OR9Q1: variants seen among roughly 807,000 people sequenced by gnomAD.
The protein encoded by OR9Q1 is olfactory receptor family 9 subfamily Q member 1.
For synonymous variants in OR9Q1, 153 were observed against 148.6 expected (o/e 1.03, Z -0.22); for missense variants, 374 against 378.8 (o/e 0.99, Z 0.11).
intron 2 of OR9Q1, among the ~76,000 whole-genome samples, chr11:58,093,759 C>CAAAAAA (rs71061572): frequency 1.4e-4 from 5 of 35,520 alleles, no homozygotes; most frequent in African/African-American, 3.9e-4. Context: ...GACTTCATCT[C>CAAAAAA]AAAAAAAAAA....
chr11:58,084,615 TG>T (rs1853617859), intron 2 of OR9Q1, among the ~76,000 whole-genome samples: 1 of 151,962 alleles, frequency 6.6e-6, no homozygotes, highest in African/African-American at 2.4e-5. Flanking sequence ...GCTTTATTCC[TG>T]GGTTGCAAGG....
At chr11:58,094,023 A>G (rs1246997364) in intron 2 of OR9Q1, among the ~76,000 whole-genome samples, 1 of 152,170 alleles carries the variant, frequency 6.6e-6, no homozygotes. Context: ...ATTCACAAAA[A>G]CAAAGCTATG....
chr11:58,027,961 CG>C (rs199951184), intron 1 of OR9Q1, among the ~76,000 whole-genome samples: 1 of 149,908 alleles, frequency 6.7e-6, no homozygotes, highest in East Asian at 2.0e-4. Flanking sequence ...GGGTGGATGT[CG>C]GGGGGGCATC....
chr11:58,075,730 A>G (rs374393419), intron 2 of OR9Q1, among the ~76,000 whole-genome samples: 30 of 152,306 alleles, frequency 2.0e-4, no homozygotes, highest in African/African-American at 7.2e-4. Flanking sequence ...TCTGTTGTTT[A>G]AAAGCCACCC....
chr11:58,124,071 G>A (rs930467237), intron 2 of OR9Q1, among the ~76,000 whole-genome samples: 8 of 152,178 alleles, frequency 5.3e-5, no homozygotes, highest in South Asian at 2.1e-4. Flanking sequence ...TTTCAGACAG[G>A]CAATTTCCAA....
At chr11:58,161,878 T>A (rs1362227754) in intron 2 of OR9Q1, among the ~76,000 whole-genome samples, 1 of 152,214 alleles carries the variant, frequency 6.6e-6, no homozygotes, top group Non-Finnish European at 1.5e-5. Flanking sequence ...CAAACTGTTA[T>A]ATCCAATTAA....
At chr11:58,039,194 G>A (rs1833239826) in intron 1 of OR9Q1, among the ~76,000 whole-genome samples, 1 of 152,020 alleles carries the variant, frequency 6.6e-6, no homozygotes, top group African/African-American at 2.4e-5. Flanking sequence ...TTCACCATTT[G>A]GCCAGGCTGC....
intron 2 of OR9Q1, among the ~76,000 whole-genome samples, chr11:58,123,797 T>C (rs1854060730): frequency 6.6e-6 from 1 of 152,174 alleles, no homozygotes; most frequent in Non-Finnish European, 1.5e-5. Flanking sequence ...AAAGCGCCTC[T>C]CTAAAACCAT....
intron 2 of OR9Q1, among the ~76,000 whole-genome samples, chr11:58,070,409 T>C (rs890847996): frequency 6.6e-6 from 1 of 152,066 alleles, no homozygotes; most frequent in Non-Finnish European, 1.5e-5. Context: ...AGTCCTGGCG[T>C]GTACACCGTG....
chr11:58,084,431 A>G (rs369193676), intron 2 of OR9Q1, among the ~76,000 whole-genome samples: 2 of 152,020 alleles, frequency 1.3e-5, no homozygotes, highest in South Asian at 4.1e-4. Context: ...CTCCTCCATA[A>G]CTGATTATAT....
intron 2 of OR9Q1, among the ~76,000 whole-genome samples, chr11:58,169,034 T>A (rs1016532358): frequency 1.1e-4 from 16 of 152,224 alleles, no homozygotes; most frequent in African/African-American, 3.9e-4. Context: ...AGACAATGTG[T>A]CTTGTATGAT....
intron 2 of OR9Q1, among the ~76,000 whole-genome samples, chr11:58,061,075 G>A (rs567612696): frequency 1.2e-4 from 18 of 152,164 alleles, no homozygotes; most frequent in Non-Finnish European, 2.4e-4. Flanking sequence ...ATGAGTGAAT[G>A]CCTGTTCTTT....
intron 2 of OR9Q1, among the ~76,000 whole-genome samples, chr11:58,092,878 A>G (rs1853697277): frequency 6.6e-6 from 1 of 152,224 alleles, no homozygotes; most frequent in Admixed American, 6.5e-5. Context: ...TAGGTTAGTT[A>G]CAGAGTCATA....
At chr11:58,108,354 G>A (rs2120102775) in intron 2 of OR9Q1, among the ~76,000 whole-genome samples, 1 of 152,246 alleles carries the variant, frequency 6.6e-6, no homozygotes, top group African/African-American at 2.4e-5. Context: ...GAATAAGTAA[G>A]GGCAACTAAG....
chr11:58,029,230 C>T (rs971909704), intron 1 of OR9Q1, among the ~76,000 whole-genome samples: 12 of 152,150 alleles, frequency 7.9e-5, no homozygotes, highest in Admixed American at 1.3e-4. Context: ...CTTATTCATC[C>T]GGCTGGTACG....
At position 58,037,716 on chromosome 11, in the gene OR9Q1, T is replaced by A. The variant is rs1195294832; in HGVS notation, c.-93+13612T>A. ...TTTTTTTTTTTTTTTTTTTTTTTTTTTTTTTTTTTTTTTTTTTTTTGAGAC... is the reference window on the plus strand; with the variant it reads ...TTTTTTTTTTTTTTTTTTTTTTTTTATTTTTTTTTTTTTTTTTTTTGAGAC... On this transcript the variant is annotated intron_variant, in intron 1 of 2. Transcript: ENST00000335397. 3.9e-3 allele frequency among the ~76,000 whole-genome samples: 108 copies of A among 27,464 alleles called. 2 individuals carry two copies. The highest frequency in any genetic ancestry group is 0.014 in the African/African-American group (96 of 7,094). The allele number at this position is 27,464 out of a possible 152,430, so 18.0% of individuals were successfully genotyped here. A position where few individuals can be genotyped will look rare whatever the true frequency, so the allele number is the denominator to read the frequency against.
intron 2 of OR9Q1, among the ~76,000 whole-genome samples, chr11:58,143,324 A>C (rs539196930): frequency 6.6e-6 from 1 of 152,340 alleles, no homozygotes; most frequent in Admixed American, 6.5e-5. Flanking sequence ...AAATTGCTCA[A>C]GGTCTGAAGG....
Position 58,179,720 on chromosome 11 carries a change from A to G in OR9Q1, c.276A>G (p.Leu92=), listed in dbSNP as rs1175309799. Residue 92 remains leucine, a synonymous_variant, in exon 3 of 3, where the codon TTA becomes TTG. Transcript: ENST00000335397. ...LAVLLEHGAA[L]SYTRCAAQFF... is the part of the protein sequence containing the mutation. ...TGCTGCTGGAGCATGGGGCAGCTTT[A>G]TCTTACACACGCTGTGCTGCTCAGT... The G allele has an allele frequency of 2.5e-6, 4 of 1,614,022 alleles. No homozygotes were observed. Among genetic ancestry groups the G allele is most frequent in the African/African-American group, 1.3e-5 (1 of 74,922 alleles).
chr11:58,129,321 C>T (rs768568542), intron 2 of OR9Q1, among the ~76,000 whole-genome samples: 1 of 151,868 alleles, frequency 6.6e-6, no homozygotes, highest in Non-Finnish European at 1.5e-5. Context: ...CATCTCTGGA[C>T]ACTCCCACAA....
Sources: gnomAD v4.1 joint callset for allele counts (sites outside exome capture counted in the v4.1 genomes callset) on GRCh38, gnomAD v4.1.1 for gene constraint, MANE v1.5 for transcripts, NCBI Gene and HGNC (gene_info 2026-07-23, HGNC 2026-07-21) for gene names.